CATSPER1: variants seen among roughly 807,000 people sequenced by gnomAD.
CATSPER1 encodes the protein cation channel sperm-associated protein 1.
Under a neutral mutation model 72.7 loss-of-function variants are expected in CATSPER1, and 57 were observed. The ratio of observed to expected loss-of-function variants is 0.78; its 90% CI spans 0.63 to 0.98. CATSPER1 has a LOEUF of 0.98. CATSPER1 is among the 50% of genes least tolerant of loss of function. The pLI is 0.00. For synonymous variants in CATSPER1, 363 were observed against 403.0 expected, an observed-to-expected ratio of 0.90 and a Z score of 1.19; for missense variants, 910 against 1,033.9, an observed-to-expected ratio of 0.88 and a Z score of 1.64.
rs142758999 is a variant in CATSPER1 at position 66,021,852 on chromosome 11, A to G, written c.1457T>C (p.Ile486Thr). The G allele has an allele frequency of 6.2e-7, 1 of 1,614,148 alleles. No homozygotes were observed. Among genetic ancestry groups the G allele is most frequent in the Non-Finnish European group, 8.5e-7 (1 of 1,180,008 alleles). Reference protein sequence around the residue: ...GEWYFMALDSIFFCIYVVEAL... With the variant: ...GEWYFMALDSTFFCIYVVEAL... ...TTCCACCACGTAGATGCAGAAGAAT[A>G]TGGAGTCCAAGGCCATGAAGTACCA... The change falls in exon 3 of 12, where the codon ATA becomes ACA. Residue 486 changes from isoleucine to threonine, a missense_variant. Physicochemically the swap from Ile to Thr is moderately conservative, Grantham distance 89. Coordinates refer to ENST00000312106, the MANE Select transcript of CATSPER1 (RefSeq NM_053054.4).
At position 66,020,437 on chromosome 11, in the gene CATSPER1, A is replaced by G; in HGVS notation, c.1992-48T>C. The G allele has an allele frequency of 6.2e-7, 1 of 1,611,446 alleles. No homozygotes were observed. Among genetic ancestry groups the G allele is most frequent in the Non-Finnish European group, 8.5e-7 (1 of 1,177,948 alleles). ...GCCCTCAGCGAGGAGGCCAGAGGAG[A>G]GGGGCACCCGGTACTTCTTGTGGGT... On this transcript the variant is annotated intron_variant, in intron 7 of 11. Transcript: ENST00000312106. The surrounding 1 kb of genome is among the most constrained non-coding windows in gnomAD (Gnocchi z 4.5).
intron 5 of CATSPER1, 25 bp downstream of exon 5, chr11:66,021,069 C>T (rs1856357857): frequency 6.2e-7 from 1 of 1,605,504 alleles, no homozygotes; most frequent in African/African-American, 1.3e-5. Flanking sequence ...AGGCCCCCAC[C>T]CCAGCCCCTG....
Position 66,025,536 on chromosome 11 carries a change from G to GGTC in CATSPER1, c.841_843dup (p.Asp281dup). Reference sequence around the variant, plus strand: ...TAGTGGTGCTGTGTGTGGTGGGGATGGTCGCCATGGTGGTACTCACTGGGG... The same window carrying GGTC: ...TAGTGGTGCTGTGTGTGGTGGGGATGGTCGTCGCCATGGTGGTACTCACTGGGG... On this transcript the variant is annotated inframe_insertion, in exon 1 of 12. Coordinates refer to ENST00000312106, the MANE Select transcript of CATSPER1 (RefSeq NM_053054.4). The GGTC allele has an allele frequency of 6.2e-7, 1 of 1,602,094 alleles. No homozygotes were observed. The highest frequency in any genetic ancestry group is 8.5e-7 in the Non-Finnish European group (1 of 1,174,630).
chr11:66,019,991 C>T (rs1590681068), intron 9 of CATSPER1, 149 bp downstream of exon 9: 6 of 705,208 alleles, frequency 8.5e-6, no homozygotes, highest in East Asian at 2.8e-5. Flanking sequence ...GTTCTAGGGT[C>T]CTCTGGACTA....
Position 66,020,114 on chromosome 11 carries a change from GGGGCCAGGGC to G in CATSPER1, c.2125+16_2125+25del. ...TGGCCCCCACTGCGGACGGGCAGGT[GGGGCCAGGGC>G]GGGCCAGGCCCATACCTGCAGCTCT... On this transcript the variant is annotated intron_variant, in intron 9 of 11. Coordinates refer to ENST00000312106, the MANE Select transcript of CATSPER1 (RefSeq NM_053054.4). The surrounding 1 kb of genome is among the most constrained non-coding windows in gnomAD (Gnocchi z 4.5). 3.1e-6 allele frequency: 5 copies of G among 1,611,514 alleles called. No homozygotes were observed. Among genetic ancestry groups the G allele is most frequent in the Non-Finnish European group, 4.2e-6 (5 of 1,178,784 alleles).
intron 9 of CATSPER1, among the ~76,000 whole-genome samples, chr11:66,019,191 C>A (rs374985745): frequency 6.6e-6 from 1 of 152,086 alleles, no homozygotes; most frequent in African/African-American, 2.4e-5. Context: ...AGGGATACCC[C>A]CTTTCAGTCC....
Position 66,026,020 on chromosome 11 carries a change from T to C in CATSPER1, c.360A>G (p.Gln120=), listed in dbSNP as rs1856497737. The C allele has an allele frequency of 1.9e-6, 3 of 1,613,924 alleles. No homozygotes were observed. The highest frequency in any genetic ancestry group is 2.5e-6 in the Non-Finnish European group (3 of 1,179,936). The change falls in exon 1 of 12, where the codon CAA becomes CAG. Residue 120 remains glutamine (Q), a synonymous_variant. Coordinates refer to ENST00000312106, the MANE Select transcript of CATSPER1 (RefSeq NM_053054.4). ...SYGEDYHDEL[Q]RDGRRHHDGS... ...CATCATGATGCCTCCTGCCATCACG[T>C]TGGAGCTCATCATGGTAGTCCTCAC...
rs770000118 is a variant in CATSPER1, at chr11:66,016,857, G to A, written c.*33C>T. On this transcript the variant is annotated 3_prime_UTR_variant, in exon 12 of 12. Transcript: ENST00000312106. ...TGCACCCAGGTGGGCAGACTGCCAG[G>A]GGCTGAAGTCTGTATCTGGTGTCCT... 4 of 1,609,596 alleles carry A rather than the reference G, an allele frequency of 2.5e-6. No individual in the cohort carries two copies. Among genetic ancestry groups the A allele is most frequent in the Admixed American group, 3.3e-5 (2 of 59,774 alleles).
In CATSPER1 at chr11:66,025,179, A is replaced by G; in HGVS notation, c.1201T>C (p.Phe401Leu). ...SEDWGKEEGQ[F>L]QKRKTGRLQR... ...AAAGACTCACTTTTGCGTTTCTGAA[A>G]TTGCCCTTCTTCTTTGCCCCAGTCT... Residue 401 changes from phenylalanine (F) to leucine (L), a missense_variant, in exon 1 of 12, where the codon TTT becomes CTT. By Grantham distance (22) the Phe-to-Leu change is conservative. Coordinates refer to ENST00000312106, the MANE Select transcript of CATSPER1 (RefSeq NM_053054.4). 6.2e-6 allele frequency: 10 copies of G among 1,614,150 alleles called. No individual in the cohort carries two copies. Among genetic ancestry groups the G allele is most frequent in the Non-Finnish European group, 8.5e-6 (10 of 1,180,012 alleles).
chr11:66,021,385 C>T (rs1856365047), intron 4 of CATSPER1, 111 bp downstream of exon 4: 11 of 1,404,604 alleles, frequency 7.8e-6, no homozygotes, highest in African/African-American at 2.9e-5. Flanking sequence ...GGTCAGCAGC[C>T]TCCTGCGCCC....
Position 66,021,798 on chromosome 11 carries a change from A to G in CATSPER1, c.1511T>C (p.Leu504Pro), listed in dbSNP as rs1417340284. 6.2e-7 allele frequency: 1 copy of G among 1,614,040 alleles called. No individual in the cohort carries two copies. Among genetic ancestry groups the G allele is most frequent in the Non-Finnish European group, 8.5e-7 (1 of 1,180,032 alleles). The change falls in exon 3 of 12, where the codon CTC (leucine) becomes CCC (proline). Residue 504 changes from leucine to proline, a missense_variant. Leu to Pro is a moderately conservative substitution (Grantham distance 98, BLOSUM62 -3). Coordinates refer to ENST00000312106, the MANE Select transcript of CATSPER1 (RefSeq NM_053054.4). ...GTTCCAGAAGTCAAAGAAGTACGAG[A>G]GGCCCAGGGCGATGATCTTGAGCAG... Reference protein sequence around the residue: ...EALLKIIALGLSYFFDFWNNL... With the variant: ...EALLKIIALGPSYFFDFWNNL...
Position 66,018,884 on chromosome 11 carries a change from C to T in CATSPER1, c.2144G>A (p.Ser715Asn). Residue 715 changes from serine to asparagine, a missense_variant, in exon 10 of 12, where the codon AGT becomes AAT. Coordinates refer to ENST00000312106, the MANE Select transcript of CATSPER1 (RefSeq NM_053054.4). ...GAGCCGCTTCAGCATGGTGCCTTCACTCGCCACCTCTTTGGGCTCTGGATG... is the reference window on the plus strand; with the variant it reads ...GAGCCGCTTCAGCATGGTGCCTTCATTCGCCACCTCTTTGGGCTCTGGATG... ...LRAAEPKEVA[S>N]EGTMLKRLIE... The T allele has an allele frequency of 6.2e-7, 1 of 1,614,006 alleles. No homozygotes were observed. Among genetic ancestry groups the T allele is most frequent in the East Asian group, 2.2e-5 (1 of 44,872 alleles).
In CATSPER1 at chr11:66,025,453, A is replaced by C; in HGVS notation, c.927T>G (p.Tyr309Ter). 6.2e-7 allele frequency: 1 copy of C among 1,611,548 alleles called. No individual in the cohort carries two copies. Among genetic ancestry groups the C allele is most frequent in the Non-Finnish European group, 8.5e-7 (1 of 1,179,514 alleles). Residue 309 changes from tyrosine (Y) to a stop codon, truncating the protein, a stop_gained, in exon 1 of 12, where the codon TAT becomes TAG. Transcript: ENST00000312106. LOFTEE classifies it high-confidence loss of function. Reference protein sequence around the residue: ...YHQHQDHHGAYHSSYLHGDYV... With the variant: ...YHQHQDHHGA ...AGTCGCCATGGAGGTAACTGGAATG[A>C]TACGCGCCGTGGTGGTCTTGGTGCT...
At chr11:66,018,973 A>G in intron 9 of CATSPER1, 71 bp from the exon 10 acceptor site, 1 of 1,279,118 alleles carries the variant, frequency 7.8e-7, no homozygotes, top group Non-Finnish European at 1.1e-6. Context: ...CCCATGTGTC[A>G]GGAAGATAAG....
At chr11:66,022,023 C>T (rs1856384705) in intron 2 of CATSPER1, 144 bp from the exon 3 acceptor site, 1 of 712,302 alleles carries the variant, frequency 1.4e-6, no homozygotes, top group Admixed American at 2.0e-5. Flanking sequence ...ACTGCTGTGT[C>T]TCAGTTTTCT....
At position 66,021,651 on chromosome 11, in the gene CATSPER1, C is replaced by T. The variant is rs758402955; in HGVS notation, c.1544-8G>A. ...TGGCCATAATGAAGAAGTCTGAGGG[C>T]ACGGGGTGCCTGAGCCTGGCGGGCT... is the stretch of plus-strand genomic sequence containing the variant. On this transcript the variant is annotated splice_polypyrimidine_tract_variant and splice_region_variant and intron_variant, in intron 3 of 11. Transcript: ENST00000312106. 3 of 1,606,500 alleles carry T rather than the reference C, an allele frequency of 1.9e-6. No homozygotes were observed. In the Admixed American group the frequency reaches 5.2e-5, roughly 28 times the overall value.
In CATSPER1 at chr11:66,025,222, G is replaced by A; in HGVS notation, c.1158C>T (p.Ile386=). The A allele has an allele frequency of 6.2e-7, 1 of 1,614,206 alleles. No homozygotes were observed. The highest frequency in any genetic ancestry group is 1.1e-5 in the South Asian group (1 of 91,080). Reference sequence around the variant, plus strand: ...CCCAGTCTTCTGAATGTTTGGTGGAGATATCCTGGGTATGGACTTTTTTGG... The same window carrying A: ...CCCAGTCTTCTGAATGTTTGGTGGAAATATCCTGGGTATGGACTTTTTTGG... The part of the protein sequence containing the change: ...QMSKKVHTQD[I]STKHSEDWGK... Residue 386 remains isoleucine (I), a synonymous_variant, in exon 1 of 12, where the codon ATC becomes ATT. Transcript: ENST00000312106.
At chr11:66,018,225 A>T (rs1486876977) in intron 10 of CATSPER1, among the ~76,000 whole-genome samples, 1 of 149,880 alleles carries the variant, frequency 6.7e-6, no homozygotes, top group East Asian at 2.0e-4. Flanking sequence ...AAAAAAAAAG[A>T]AAAAAGAAAA....
chr11:66,025,139 C>A (rs1287530041), intron 1 of CATSPER1, 25 bp downstream of exon 1: 4 of 1,613,970 alleles, frequency 2.5e-6, no homozygotes, highest in Non-Finnish European at 3.4e-6. Flanking sequence ...CAGGAGTTGG[C>A]ATGGGGGGCC....
Sources: allele counts gnomAD v4.1 joint callset (sites outside exome capture counted in the v4.1 genomes callset), GRCh38; gene constraint gnomAD v4.1.1; non-coding constraint Gnocchi (gnomAD v3.1); transcripts MANE v1.5; gene names NCBI Gene and HGNC (gene_info 2026-07-23, HGNC 2026-07-21).